SLC30A8: variants seen among roughly 807,000 people sequenced by gnomAD.
SLC30A8 encodes the protein solute carrier family 30 member 8.
A neutral mutation model predicts 36.9 loss-of-function variants in SLC30A8; 27 were observed. That is an observed-to-expected ratio of 0.73 (90% CI 0.54 to 1.01). SLC30A8 has a LOEUF of 1.01. Ranked by LOEUF, SLC30A8 falls within the 50% of genes least tolerant of loss-of-function variation. SLC30A8 has a pLI of 0.00. For synonymous variants in SLC30A8, 164 were observed against 172.4 expected (o/e 0.95, Z 0.38); for missense variants, 439 against 452.0 (o/e 0.97, Z 0.26).
intron 1 of SLC30A8, among the ~76,000 whole-genome samples, chr8:117,142,955 T>G (rs1177283255): frequency 6.6e-6 from 1 of 152,202 alleles, no homozygotes; most frequent in Non-Finnish European, 1.5e-5. Context: ...GATGAATGAA[T>G]GAAATGTTAG....
intron 2 of SLC30A8, among the ~76,000 whole-genome samples, chr8:117,071,887 C>T (rs888733982): frequency 6.6e-6 from 1 of 151,850 alleles, no homozygotes; most frequent in Non-Finnish European, 1.5e-5. Flanking sequence ...AGCCTATCTC[C>T]CACCCTTCTC....
At chr8:117,067,355 GT>G (rs1005875416) in intron 2 of SLC30A8, among the ~76,000 whole-genome samples, 40 of 144,518 alleles carry the variant, frequency 2.8e-4, no homozygotes, top group Non-Finnish European at 2.4e-4. Context: ...GTTCTTTTTC[GT>G]TTTTTTTTTT....
intron 2 of SLC30A8, among the ~76,000 whole-genome samples, chr8:117,100,232 GTAT>G (rs1417211206): frequency 6.6e-6 from 1 of 152,074 alleles, no homozygotes; most frequent in Non-Finnish European, 1.5e-5. Flanking sequence ...TAGTGGATGG[GTAT>G]TATTGTCACC....
At chr8:117,022,694 A>T (rs931663450) in intron 1 of SLC30A8, among the ~76,000 whole-genome samples, 27 of 152,228 alleles carry the variant, frequency 1.8e-4, no homozygotes, top group African/African-American at 6.5e-4. Context: ...CAGAAACTGG[A>T]TCCCTTCCTT....
rs1823625576 is a variant in SLC30A8, at chr8:117,175,341, C to G, written c.*2660C>G. 6.6e-6 allele frequency: 1 copy of G among 152,076 alleles called. No individual in the cohort carries two copies. The highest frequency in any genetic ancestry group is 2.4e-5 in the African/African-American group (1 of 41,408). 9.4% of individuals were successfully genotyped at this position (152,076 alleles called of 1,614,324 possible). A position where few individuals can be genotyped will look rare whatever the true frequency, so the allele number is the denominator to read the frequency against. On this transcript the variant is annotated 3_prime_UTR_variant, in exon 8 of 8. Transcript: ENST00000456015. ...AATATGCTTCACCATCATCCAGCAC[C>G]TACTTAAGATTTATCTAGGGCTCTG... is the stretch of plus-strand genomic sequence containing the variant.
intron 1 of SLC30A8, among the ~76,000 whole-genome samples, chr8:116,954,546 A>C (rs1260909912): frequency 2.0e-5 from 3 of 152,216 alleles, no homozygotes; most frequent in African/African-American, 7.2e-5. Flanking sequence ...GACTAAAAAT[A>C]TCTTTTAAAT....
At chr8:117,129,233 T>G (rs1416369605) in intron 2 of SLC30A8, among the ~76,000 whole-genome samples, 2 of 152,068 alleles carry the variant, frequency 1.3e-5, no homozygotes, top group Non-Finnish European at 2.9e-5. Context: ...AGACAATGAA[T>G]CCGTTGTGCT....
chr8:117,030,842 G>A (rs1036459371), intron 1 of SLC30A8, among the ~76,000 whole-genome samples: 7 of 152,128 alleles, frequency 4.6e-5, no homozygotes, highest in Non-Finnish European at 1.0e-4. Flanking sequence ...AGTCACACTT[G>A]ACCTTTATTC....
At chr8:117,091,626 T>C (rs1392037132) in intron 2 of SLC30A8, among the ~76,000 whole-genome samples, 2 of 152,204 alleles carry the variant, frequency 1.3e-5, no homozygotes, top group African/African-American at 4.8e-5. Context: ...TCTTTGTTTG[T>C]TTTTAATCTG....
chr8:116,969,922 C>T (rs1276969712), intron 1 of SLC30A8, among the ~76,000 whole-genome samples: 2 of 152,072 alleles, frequency 1.3e-5, no homozygotes, highest in East Asian at 1.9e-4. Context: ...ACTTTTTAAA[C>T]ACTGTATGCT....
chr8:117,125,260 T>C (rs1820855179), intron 2 of SLC30A8, among the ~76,000 whole-genome samples: 2 of 152,156 alleles, frequency 1.3e-5, no homozygotes, highest in Non-Finnish European at 1.5e-5. Flanking sequence ...TTTTGTCTTA[T>C]GGGTTTTGGT....
intron 2 of SLC30A8, among the ~76,000 whole-genome samples, chr8:117,108,808 G>A (rs1008718011): frequency 2.6e-5 from 4 of 152,172 alleles, no homozygotes; most frequent in Non-Finnish European, 5.9e-5. Flanking sequence ...GATCTAAAAT[G>A]TTCTTATCTA....
intron 2 of SLC30A8, among the ~76,000 whole-genome samples, chr8:117,097,813 TAAATA>T (rs1234378517): frequency 4.8e-5 from 1 of 20,906 alleles, no homozygotes; most frequent in African/African-American, 1.0e-4. Flanking sequence ...TAATTTTAAA[TAAATA>T]TATATATTAT....
intron 2 of SLC30A8, among the ~76,000 whole-genome samples, chr8:117,116,311 A>G (rs1043767526): frequency 6.6e-6 from 1 of 152,066 alleles, no homozygotes; most frequent in African/African-American, 2.4e-5. Flanking sequence ...AAAATACCCA[A>G]TTCACAGGCA....
chr8:117,161,850 A>G lies in SLC30A8; in HGVS notation c.685A>G (p.Ile229Val). Residue 229 changes from isoleucine to valine, a missense_variant, in exon 5 of 8, where the codon ATC becomes GTC. Coordinates refer to ENST00000456015, the MANE Select transcript of SLC30A8 (RefSeq NM_173851.3). ...VHALGDLFQS[I>V]SVLISALIIY... ...TGCCCTTGGAGATCTATTTCAGAGTATCAGTGTGCTAATTAGTGCACTTAT... is the reference window on the plus strand; with the variant it reads ...TGCCCTTGGAGATCTATTTCAGAGTGTCAGTGTGCTAATTAGTGCACTTAT... 3.1e-6 allele frequency: 5 copies of G among 1,613,960 alleles called. No individual in the cohort carries two copies. The highest frequency in any genetic ancestry group is 4.2e-6 in the Non-Finnish European group (5 of 1,179,870).
intron 1 of SLC30A8, among the ~76,000 whole-genome samples, chr8:116,962,681 T>C (rs1814463745): frequency 6.6e-6 from 1 of 152,060 alleles, no homozygotes. Context: ...AATACATTTA[T>C]TCACGAGGTA....
intron 2 of SLC30A8, among the ~76,000 whole-genome samples, chr8:117,101,935 A>G (rs12681789): frequency 0.068 from 10,360 of 152,100 alleles, 393 homozygotes; most frequent in East Asian, 0.12. Context: ...ACTCCCCTTT[A>G]TATATCCATC....
chr8:117,160,880 G>A (rs763664274), intron 4 of SLC30A8, among the ~76,000 whole-genome samples: 2 of 152,234 alleles, frequency 1.3e-5, no homozygotes, highest in Non-Finnish European at 2.9e-5. Context: ...GATACATGGT[G>A]TTGAACAATA....
At chr8:116,961,638 A>T (rs1028015818) in intron 1 of SLC30A8, among the ~76,000 whole-genome samples, 5 of 151,932 alleles carry the variant, frequency 3.3e-5, no homozygotes, top group Admixed American at 6.6e-5. Flanking sequence ...ACAGAAATTT[A>T]TTTCCCATAT....
Sources: allele counts gnomAD v4.1 joint callset (sites outside exome capture counted in the v4.1 genomes callset), GRCh38; gene constraint gnomAD v4.1.1; transcripts MANE v1.5; gene names NCBI Gene and HGNC (gene_info 2026-07-23, HGNC 2026-07-21).